The following CRELD2 variants were observed in gnomAD, a reference collection of about 807,000 sequenced individuals.
CRELD2 encodes the protein protein disulfide isomerase CRELD2.
Under a neutral mutation model 48.1 loss-of-function variants are expected in CRELD2, and 33 were observed. The ratio of observed to expected loss-of-function variants is 0.69; its 90% confidence interval spans 0.52 to 0.92. The LOEUF (loss-of-function observed/expected upper bound fraction) is 0.92. Ranked by LOEUF, CRELD2 falls within the 40% of genes least tolerant of loss-of-function variation. The probability of loss-of-function intolerance (pLI) is 0.00; values close to 1 mark genes in which losing one functional copy is unlikely to be tolerated. For missense variants in CRELD2, 477 were observed against 482.4 expected, an observed-to-expected ratio of 0.99 and a Z score of 0.10; for synonymous variants, 220 against 203.9, an observed-to-expected ratio of 1.08 and a Z score of -0.67.
chr22:49,924,434 AGG>A lies in CRELD2; in HGVS notation c.849_850del (p.Glu284AlafsTer37). ...TAAAGAGTGTATCTCTGGCTACGCGAGGGAGCACGGACAGTGTGCAGGTCAGT... is the reference window on the plus strand; with the variant it reads ...TAAAGAGTGTATCTCTGGCTACGCGAGAGCACGGACAGTGTGCAGGTCAGT... ...NCKECISGYA[R>X]EHGQCADVDE... On this transcript the variant is annotated frameshift_variant, in exon 8 of 10. Coordinates refer to ENST00000328268, the MANE Select transcript of CRELD2 (RefSeq NM_024324.5). LOFTEE classifies it high-confidence loss of function. The A allele has an allele frequency of 1.2e-6, 2 of 1,609,674 alleles. No individual in the cohort carries two copies. The highest frequency in any genetic ancestry group is 2.2e-5 in the South Asian group (2 of 90,174).
At chr22:49,919,997 C>T (rs949509719) in intron 3 of CRELD2, among the ~76,000 whole-genome samples, 157 bp downstream of exon 3, 1 of 152,202 alleles carries the variant, frequency 6.6e-6, no homozygotes, top group Non-Finnish European at 1.5e-5. Flanking sequence ...CCAGAGTCAG[C>T]GATCAAAACC....
intron 5 of CRELD2, 125 bp downstream of exon 5, chr22:49,921,886 T>G: frequency 1.0e-6 from 1 of 985,936 alleles, no homozygotes; most frequent in Non-Finnish European, 1.5e-6. Flanking sequence ...CAAGGAAGCT[T>G]CGAGGGCCCA....
In CRELD2 at chr22:49,923,249, C is replaced by A; in HGVS notation, c.704C>A (p.Ala235Glu). 1 of 1,584,126 alleles carries A rather than the reference C, an allele frequency of 6.3e-7. No homozygotes were observed. Among genetic ancestry groups the A allele is most frequent in the Non-Finnish European group, 8.6e-7 (1 of 1,165,876 alleles). The change falls in exon 7 of 10, where the codon GCG becomes GAG. Residue 235 changes from alanine to glutamate, a missense_variant. Coordinates refer to ENST00000328268, the MANE Select transcript of CRELD2 (RefSeq NM_024324.5). ...EGACVDVDEC[A>E]AEPPPCSAAQ... is the part of the protein sequence containing the mutation. ...TCTGTTCCAGATGTGGACGAGTGTGCGGCCGAGCCGCCTCCCTGCAGCGCT... is the reference window on the plus strand; with the variant it reads ...TCTGTTCCAGATGTGGACGAGTGTGAGGCCGAGCCGCCTCCCTGCAGCGCT...
rs2060643519 is a variant in CRELD2 at position 49,918,909 on chromosome 22, G to A, written c.129+11G>A. The stretch of plus-strand genomic sequence containing the variant: ...GACAAGTTTAACCAGGTGGGAAGGG[G>A]CCGGGCGGGGTCGTCAACCTTGGGC... On this transcript the variant is annotated intron_variant, in intron 1 of 9. Coordinates refer to ENST00000328268, the MANE Select transcript of CRELD2 (RefSeq NM_024324.5). 7 of 1,329,848 alleles carry A rather than the reference G, an allele frequency of 5.3e-6. No individual in the cohort carries two copies. Among genetic ancestry groups the A allele is most frequent in the Non-Finnish European group, 6.7e-6 (7 of 1,041,950 alleles). 82.4% of individuals were successfully genotyped at this position (1,329,848 alleles called of 1,614,324 possible).
chr22:49,927,012 C>G (rs1040848660), intron 9 of CRELD2, among the ~76,000 whole-genome samples: 1 of 147,622 alleles, frequency 6.8e-6, no homozygotes, highest in Non-Finnish European at 1.5e-5. Context: ...AACCCCTTGC[C>G]GCTCCCAACT....
Position 49,927,319 on chromosome 22 carries a change from T to TA in CRELD2, c.*13dup, listed in dbSNP as rs758053290. ...GCGAAGACCTGTAATGTGCCGGACT[T>TA]ACCCTTTAAATTATTCAGAAGGATG... On this transcript the variant is annotated 3_prime_UTR_variant, in exon 10 of 10. Transcript: ENST00000328268. 6 of 1,609,122 alleles carry TA rather than the reference T, an allele frequency of 3.7e-6. No homozygotes were observed. In the East Asian group the frequency reaches 1.1e-4, roughly 30 times the overall value.
chr22:49,926,996 G>T (rs1022127782), intron 9 of CRELD2, among the ~76,000 whole-genome samples: 1 of 139,596 alleles, frequency 7.2e-6, no homozygotes, highest in Admixed American at 7.4e-5. Context: ...CTGCCAGGCC[G>T]CAAGGAACCC....
Position 49,925,429 on chromosome 22 carries a change from G to A in CRELD2, c.881G>A (p.Cys294Tyr), listed in dbSNP as rs2060750340. 1.2e-6 allele frequency: 2 copies of A among 1,609,012 alleles called. No individual in the cohort carries two copies. The highest frequency in any genetic ancestry group is 1.7e-5 in the Admixed American group (1 of 59,802). The change falls in exon 9 of 10, where the codon TGC becomes TAC. Residue 294 changes from cysteine (C) to tyrosine (Y), a missense_variant. By Grantham distance (194) the Cys-to-Tyr change is radical (BLOSUM62 -2). Transcript: ENST00000328268. ...EHGQCADVDE[C>Y]SLAEKTCVRK... ...CTTTTCATTTTAGATGTGGACGAGT[G>A]CTCACTAGCAGAAAAAACCTGTGTG...
chr22:49,919,271 C>T lies in CRELD2; in HGVS notation c.171C>T (p.Asn57=). Residue 57 remains asparagine, a synonymous_variant, in exon 2 of 10, where the codon AAC becomes AAT. Coordinates refer to ENST00000328268, the MANE Select transcript of CRELD2 (RefSeq NM_024324.5). ...DTAKKNFGGG[N]TAWEEKTLSK... is the part of the protein sequence containing the mutation. ...CAAAGAAGAACTTTGGCGGCGGGAA[C>T]ACGGCTTGGGAGGAAAAGACGCTGT... The T allele has an allele frequency of 6.2e-7, 1 of 1,613,754 alleles. No individual in the cohort carries two copies. The highest frequency in any genetic ancestry group is 8.5e-7 in the Non-Finnish European group (1 of 1,180,016).
At chr22:49,927,216 T>C in intron 9 of CRELD2, 39 bp from the exon 10 acceptor site, 2 of 1,597,724 alleles carry the variant, frequency 1.3e-6, no homozygotes, top group South Asian at 2.2e-5. Flanking sequence ...CAGGGCCCTT[T>C]GTGCTCAGCC....
At chr22:49,925,364 G>C (rs1184642588) in intron 8 of CRELD2, 53 bp from the exon 9 acceptor site, 4 of 1,142,418 alleles carry the variant, frequency 3.5e-6, no homozygotes, top group African/African-American at 1.5e-5. Context: ...TTCATAATCC[G>C]CTGCGCGTCT....
chr22:49,919,734 A>G lies in CRELD2; in HGVS notation c.217A>G (p.Ile73Val). ...CGGTGTGGGCCTGTGTTTCAGCGAG[A>G]TTCGCCTGCTGGAGATCCTGGAGGG... ...KTLSKYESSE[I>V]RLLEILEGLC... Residue 73 changes from isoleucine (I) to valine (V), a missense_variant, in exon 3 of 10, where the codon ATT becomes GTT. Coordinates refer to ENST00000328268, the MANE Select transcript of CRELD2 (RefSeq NM_024324.5). The G allele has an allele frequency of 1.2e-6, 2 of 1,606,870 alleles. No homozygotes were observed. Among genetic ancestry groups the G allele is most frequent in the Non-Finnish European group, 1.7e-6 (2 of 1,177,382 alleles).
chr22:49,919,673 T>G lies in CRELD2; in HGVS notation c.213-57T>G, dbSNP rs1038600612. The G allele has an allele frequency of 7.9e-6, 11 of 1,390,584 alleles. No homozygotes were observed. In the African/African-American group the frequency reaches 1.0e-4, roughly 13 times the overall value. The allele number at this position is 1,390,584 out of a possible 1,614,324, so 86.1% of individuals were successfully genotyped here. On this transcript the variant is annotated intron_variant, in intron 2 of 9. Coordinates refer to ENST00000328268, the MANE Select transcript of CRELD2 (RefSeq NM_024324.5). ...ACCCAGGTTGGCGTATTGGTTCGGA[T>G]TTTTCTTCACTGCCTTGGAGGCGCT...
intron 7 of CRELD2, 28 bp downstream of exon 7, chr22:49,923,345 C>CGGGGCCTGCACTCG (rs771697320): frequency 6.5e-5 from 102 of 1,558,266 alleles, no homozygotes; most frequent in Middle Eastern, 3.4e-4. Flanking sequence ...GTCTGCACTC[C>CGGGGCCTGCACTCG]GGGGCCTGCC....
At chr22:49,923,607 C>G in intron 7 of CRELD2, 1 of 532,864 alleles carries the variant, frequency 1.9e-6, no homozygotes. Flanking sequence ...GCGTGACTTT[C>G]CGCAGCGCCT....
chr22:49,922,686 C>A lies in CRELD2; in HGVS notation c.667C>A (p.Leu223Met). ...CGGCGAGTGTGAAGTGGGCTGGGTG[C>A]TGGACGAGGGCGCCTGTGTGGGTGA... ...DCGECEVGWV[L>M]DEGACVDVDE... The change falls in exon 6 of 10, where the codon CTG (leucine) becomes ATG (methionine). Residue 223 changes from leucine (L) to methionine (M), a missense_variant. Physicochemically the swap from Leu to Met is conservative, Grantham distance 15. Transcript: ENST00000328268. 1 of 1,541,272 alleles carries A rather than the reference C, an allele frequency of 6.5e-7. No homozygotes were observed. The highest frequency in any genetic ancestry group is 2.0e-5 in the Admixed American group (1 of 50,958).
In CRELD2 at chr22:49,922,731, G is replaced by A. The variant is rs763325653; in HGVS notation, c.688+24G>A. 1.7e-5 allele frequency: 25 copies of A among 1,502,528 alleles called. No homozygotes were observed. In the Admixed American group the frequency reaches 2.9e-4, roughly 18 times the overall value. 93.1% of individuals were successfully genotyped at this position (1,502,528 alleles called of 1,614,324 possible). A position where few individuals can be genotyped will look rare whatever the true frequency, so the allele number is the denominator to read the frequency against. On this transcript the variant is annotated intron_variant, in intron 6 of 9. Transcript: ENST00000328268. ...GGGTGAGGAGCGGCCCGGGGGTGGA[G>A]GAGGGCGCCTGCGTGAGGCGTGGGG...
Position 49,927,248 on chromosome 22 carries a change from C to T in CRELD2, c.1010-7C>T. 1 of 1,612,222 alleles carries T rather than the reference C, an allele frequency of 6.2e-7. No homozygotes were observed. ...AGCCTTGACGACCTATGCTTGTTTT[C>T]TGACAGAAGCCACAGAAGGAGAAAG... On this transcript the variant is annotated splice_region_variant and splice_polypyrimidine_tract_variant and intron_variant, in intron 9 of 9. Coordinates refer to ENST00000328268, the MANE Select transcript of CRELD2 (RefSeq NM_024324.5).
intron 9 of CRELD2, chr22:49,925,795 G>C: frequency 7.5e-7 from 1 of 1,341,400 alleles, no homozygotes; most frequent in Non-Finnish European, 9.7e-7. Context: ...GCGATGAAGG[G>C]GGAAGTCTCT....
Sources: gnomAD v4.1 joint callset for allele counts (sites outside exome capture counted in the v4.1 genomes callset) on GRCh38, gnomAD v4.1.1 for gene constraint, MANE v1.5 for transcripts, NCBI Gene and HGNC (gene_info 2026-07-23, HGNC 2026-07-21) for gene names.